The following SRBD1 variants were observed in gnomAD, a reference collection of about 807,000 sequenced individuals.
SRBD1 encodes the protein S1 RNA binding domain 1.
In SRBD1, 88 loss-of-function variants were observed where a neutral mutation model predicts 115.3. The observed-to-expected ratio is 0.76, with a 90% CI of 0.64 to 0.91. The LOEUF (loss-of-function observed/expected upper bound fraction) is 0.91. Ranked by LOEUF, SRBD1 falls within the 40% of genes least tolerant of loss-of-function variation. The pLI, the probability that SRBD1 is intolerant of heterozygous loss-of-function variation, is 0.00. For missense variants in SRBD1, 1,385 were observed against 1,177.4 expected, an observed-to-expected ratio of 1.18 and a Z score of -2.58; for synonymous variants, 509 against 407.7, an observed-to-expected ratio of 1.25 and a Z score of -2.99.
chr2:45,445,026 G>A (rs964182745), intron 16 of SRBD1, among the ~76,000 whole-genome samples: 3 of 152,188 alleles, frequency 2.0e-5, no homozygotes. Flanking sequence ...CAAGACAAAA[G>A]TCATCCCGAC....
intron 9 of SRBD1, among the ~76,000 whole-genome samples, chr2:45,565,462 T>G (rs1172473222): frequency 1.3e-5 from 2 of 152,178 alleles, no homozygotes; most frequent in African/African-American, 4.8e-5. Context: ...TACTTCACGC[T>G]ATACATAAAA....
chr2:45,441,822 C>T (rs1668678555), intron 16 of SRBD1, among the ~76,000 whole-genome samples: 1 of 152,188 alleles, frequency 6.6e-6, no homozygotes, highest in South Asian at 2.1e-4. Context: ...CAATCAACAG[C>T]AAACTCAGAA....
intron 10 of SRBD1, among the ~76,000 whole-genome samples, chr2:45,557,238 C>T (rs1442178044): frequency 3.3e-5 from 5 of 152,198 alleles, no homozygotes; most frequent in East Asian, 3.9e-4. Flanking sequence ...TGGAGCCTGA[C>T]GAGGTAGGAG....
intron 14 of SRBD1, chr2:45,546,455 C>T (rs1195755220): frequency 1.6e-6 from 1 of 644,416 alleles, no homozygotes; most frequent in Non-Finnish European, 1.9e-6. Flanking sequence ...AGAACCCTCA[C>T]ACAATGTATA....
chr2:45,545,674 C>A (rs538167258), intron 14 of SRBD1, among the ~76,000 whole-genome samples: 1 of 152,304 alleles, frequency 6.6e-6, no homozygotes, highest in African/African-American at 2.4e-5. Flanking sequence ...TAAATTACAA[C>A]CAGAGAAAGA....
chr2:45,395,493 G>A (rs762959283), intron 19 of SRBD1, among the ~76,000 whole-genome samples: 26 of 152,264 alleles, frequency 1.7e-4, no homozygotes, highest in Non-Finnish European at 2.4e-4. Context: ...ACCTGGGTGC[G>A]TATTTCATAT....
intron 19 of SRBD1, among the ~76,000 whole-genome samples, chr2:45,401,685 G>A (rs1408930274): frequency 2.0e-5 from 3 of 152,180 alleles, no homozygotes; most frequent in South Asian, 2.1e-4. Context: ...AATGCAGAAC[G>A]AAGCTGTGGT....
intron 15 of SRBD1, among the ~76,000 whole-genome samples, chr2:45,486,542 A>G (rs1416054561): frequency 6.6e-6 from 1 of 152,028 alleles, no homozygotes; most frequent in Non-Finnish European, 1.5e-5. Flanking sequence ...CCTGGTTAAC[A>G]TGGTGAAACC....
At chr2:45,605,725 G>T (rs111442746) in intron 1 of SRBD1, among the ~76,000 whole-genome samples, 1 of 152,064 alleles carries the variant, frequency 6.6e-6, no homozygotes, top group African/African-American at 2.4e-5. Context: ...CCAACATGGT[G>T]AAACTCAGTC....
At chr2:45,407,282 G>A (rs1411172378) in intron 19 of SRBD1, among the ~76,000 whole-genome samples, 1 of 152,128 alleles carries the variant, frequency 6.6e-6, no homozygotes, top group East Asian at 1.9e-4. Context: ...TCCAAAGCTA[G>A]CCTGAGCTAT....
rs144184013 is a variant in SRBD1, at chr2:45,517,906, T to G, written c.1874+28826A>C. 2.4e-3 allele frequency among the ~76,000 whole-genome samples: 358 copies of G among 151,932 alleles called. 4 individuals carry two copies. Among genetic ancestry groups the G allele is most frequent in the African/African-American group, 8.3e-3 (345 of 41,354 alleles). ...CTCCCAGCTACTCTGGGGGCTGAGG[T>G]TGGAGGATCCCTTGAGCCTGGGAGG... On this transcript the variant is annotated intron_variant, in intron 14 of 20. Coordinates refer to ENST00000263736, the MANE Select transcript of SRBD1 (RefSeq NM_018079.5).
chr2:45,527,314 G>GA (rs1368145657), intron 14 of SRBD1, among the ~76,000 whole-genome samples: 1 of 151,646 alleles, frequency 6.6e-6, no homozygotes, highest in East Asian at 1.9e-4. Context: ...ATGAATTTCC[G>GA]AAAAAAGTTA....
chr2:45,476,931 G>C, intron 16 of SRBD1, 62 bp downstream of exon 16: 5 of 1,463,468 alleles, frequency 3.4e-6, no homozygotes, highest in Non-Finnish European at 3.8e-6. Context: ...TACTATCCCA[G>C]GTTTGAGTAC....
At chr2:45,552,110 C>T (rs1672319617) in intron 11 of SRBD1, among the ~76,000 whole-genome samples, 1 of 152,132 alleles carries the variant, frequency 6.6e-6, no homozygotes, top group Non-Finnish European at 1.5e-5. Context: ...AAAAATGACA[C>T]ATGGATGAAT....
intron 7 of SRBD1, among the ~76,000 whole-genome samples, chr2:45,576,427 G>A (rs1390388060): frequency 6.6e-6 from 1 of 151,660 alleles, no homozygotes; most frequent in Non-Finnish European, 1.5e-5. Flanking sequence ...TTTGAAGAGG[G>A]AGTCGGGGGG....
At chr2:45,504,701 T>C (rs1488989087) in intron 14 of SRBD1, among the ~76,000 whole-genome samples, 4 of 152,168 alleles carry the variant, frequency 2.6e-5, no homozygotes, top group Non-Finnish European at 5.9e-5. Flanking sequence ...CTGTCCTTTA[T>C]TACTAATCAG....
chr2:45,561,304 T>C (rs951013713), intron 10 of SRBD1, among the ~76,000 whole-genome samples: 28 of 152,228 alleles, frequency 1.8e-4, no homozygotes, highest in African/African-American at 6.8e-4. Context: ...TTCCACCATA[T>C]GGATATAACA....
chr2:45,452,763 T>C (rs1434693705), intron 16 of SRBD1, among the ~76,000 whole-genome samples: 1 of 151,940 alleles, frequency 6.6e-6, no homozygotes, highest in Non-Finnish European at 1.5e-5. Flanking sequence ...TATGGGGTTG[T>C]AGAGCTTGTT....
rs149653876 is a variant in SRBD1 at position 45,488,312 on chromosome 2, C to T, written c.1894G>A (p.Ala632Thr). 3.7e-6 allele frequency: 6 copies of T among 1,613,808 alleles called. No homozygotes were observed. The highest frequency in any genetic ancestry group is 5.1e-6 in the Non-Finnish European group (6 of 1,179,902). The change falls in exon 15 of 21, where the codon GCA (alanine) becomes ACA (threonine). Residue 632 changes from alanine to threonine, a missense_variant. Transcript: ENST00000263736. ...TCAGGGCTGACACTGTAGATTGATG[C>T]TCCTGCTTCACTGACGATACTGAGA... is the stretch of plus-strand genomic sequence containing the variant. ...VVYCIVSEAG[A>T]SIYSVSPEAN...
Sources: gnomAD v4.1 joint callset for allele counts (sites outside exome capture counted in the v4.1 genomes callset) on GRCh38, gnomAD v4.1.1 for gene constraint, MANE v1.5 for transcripts, NCBI Gene and HGNC (gene_info 2026-07-23, HGNC 2026-07-21) for gene names.